The following RABGEF1 variants were observed in gnomAD, a reference collection of about 807,000 sequenced individuals.
The protein encoded by RABGEF1 is rab5 GDP/GTP exchange factor.
In RABGEF1, 26 loss-of-function variants were observed where a neutral mutation model predicts 57.3. That is an observed-to-expected ratio of 0.45 (90% CI 0.33 to 0.63). The LOEUF (loss-of-function observed/expected upper bound fraction) is 0.63, where lower values mean the gene tolerates loss of function less well. Among genes scored for constraint, RABGEF1 ranks in the 20% least tolerant of loss-of-function variants. RABGEF1 has a pLI of 0.02. For synonymous variants in RABGEF1, 185 were observed against 210.7 expected (o/e 0.88, Z 1.06); for missense variants, 464 against 607.6 (o/e 0.76, Z 2.48).
At chr7:66,736,015 T>C (rs1797903004), upstream of RABGEF1, among the ~76,000 whole-genome samples, 1 of 152,178 alleles carries the variant, frequency 6.6e-6, no homozygotes, top group South Asian at 2.1e-4. Context: ...TGCTGTCCAC[T>C]GTCACAACTT....
At chr7:66,686,303 T>A (rs1287256785) in intron 1 of RABGEF1, among the ~76,000 whole-genome samples, 5 of 148,034 alleles carry the variant, frequency 3.4e-5, no homozygotes, top group African/African-American at 4.9e-5. Context: ...AAAAAAGTGA[T>A]CACACTAAAA....
the RABGEF1 span, among the ~76,000 whole-genome samples, chr7:66,659,123 A>G: frequency 2.0e-5 from 3 of 152,190 alleles, no homozygotes; most frequent in Non-Finnish European, 4.4e-5. Context: ...ACAACTGACC[A>G]ATATTGCTTA....
chr7:66,687,034 G>T (rs1166936949), intron 1 of RABGEF1, among the ~76,000 whole-genome samples: 4 of 150,370 alleles, frequency 2.7e-5, no homozygotes, highest in Non-Finnish European at 5.9e-5. Context: ...TGTTAGCCAG[G>T]ATGGTCTCGA....
intron 1 of RABGEF1, among the ~76,000 whole-genome samples, chr7:66,688,730 A>G (rs1791083272): frequency 6.6e-6 from 1 of 152,222 alleles, no homozygotes; most frequent in Admixed American, 6.5e-5. Flanking sequence ...AAAACACAAC[A>G]TACCAGAATT....
In RABGEF1 at chr7:66,771,556, C is replaced by T. The variant is rs145349505; in HGVS notation, c.-17-327C>T. ...AATCCAGTGTCGGGAAGCTTTTCCCCTAAGTTTTTTTTCTAGGAGTTTTCT... is the reference window on the plus strand; with the variant it reads ...AATCCAGTGTCGGGAAGCTTTTCCCTTAAGTTTTTTTTCTAGGAGTTTTCT... On this transcript the variant is annotated intron_variant, in intron 1 of 8. Transcript: ENST00000284957. Among the ~76,000 whole-genome samples, 33 of 152,252 alleles carry T rather than the reference C, an allele frequency of 2.2e-4. No homozygotes were observed. The East Asian group carries it at 5.8e-3, about 27-fold the overall frequency.
At chr7:66,749,843 G>A (rs1801021617) in intron 1 of RABGEF1, among the ~76,000 whole-genome samples, 2 of 152,116 alleles carry the variant, frequency 1.3e-5, no homozygotes, top group Admixed American at 1.3e-4. Flanking sequence ...GTGTGATGGT[G>A]GGCGCCTGTA....
At chr7:66,758,741 T>C (rs1583803811) in intron 1 of RABGEF1, among the ~76,000 whole-genome samples, 1 of 152,250 alleles carries the variant, frequency 6.6e-6, no homozygotes. Flanking sequence ...GCCTTTCAAA[T>C]GATGGCACTC....
At chr7:66,676,979 G>A in the RABGEF1 span, among the ~76,000 whole-genome samples, 1 of 152,160 alleles carries the variant, frequency 6.6e-6, no homozygotes. Flanking sequence ...TGGTTTCATA[G>A]CCAAGAAATC....
At chr7:66,782,805 C>G (rs1365139446) in intron 3 of RABGEF1, among the ~76,000 whole-genome samples, 1 of 152,054 alleles carries the variant, frequency 6.6e-6, no homozygotes, top group African/African-American at 2.4e-5. Context: ...ATAAAACATA[C>G]TTTTAAAAAA....
At chr7:66,743,378 G>T (rs922096267) in intron 1 of RABGEF1, among the ~76,000 whole-genome samples, 1 of 150,616 alleles carries the variant, frequency 6.6e-6, no homozygotes, top group African/African-American at 2.4e-5. Context: ...AGGCTGGAAT[G>T]CAGTGGCAGG....
intron 1 of RABGEF1, among the ~76,000 whole-genome samples, chr7:66,754,230 C>T (rs1209033816): frequency 6.6e-6 from 1 of 152,048 alleles, no homozygotes; most frequent in East Asian, 1.9e-4. Context: ...TCTCGATCTC[C>T]TGACCTCATG....
At chr7:66,801,701 C>T (rs2129183145) in intron 7 of RABGEF1, among the ~76,000 whole-genome samples, 1 of 152,324 alleles carries the variant, frequency 6.6e-6, no homozygotes, top group East Asian at 1.9e-4. Flanking sequence ...CATGTTGTTG[C>T]AAATGACTGG....
chr7:66,656,903 G>T, the RABGEF1 span, among the ~76,000 whole-genome samples: 5 of 151,642 alleles, frequency 3.3e-5, no homozygotes, highest in Non-Finnish European at 5.9e-5. Flanking sequence ...GCCAAGAATG[G>T]TTATGAGAGA....
upstream of RABGEF1, among the ~76,000 whole-genome samples, chr7:66,677,900 A>G (rs112214136): frequency 2.8e-3 from 430 of 151,718 alleles, 1 homozygote; most frequent in African/African-American, 1.0e-2. Flanking sequence ...CCTTGTCTCT[A>G]TGAAAAATAC....
At chr7:66,744,283 C>G (rs137881522) in intron 1 of RABGEF1, among the ~76,000 whole-genome samples, 3 of 150,560 alleles carry the variant, frequency 2.0e-5, no homozygotes, top group Non-Finnish European at 3.0e-5. Flanking sequence ...CTGTAATCCT[C>G]GCACTTTGGG....
intron 4 of RABGEF1, among the ~76,000 whole-genome samples, chr7:66,794,223 TTTTTTTTTTAC>T (rs1339733362): frequency 6.7e-6 from 1 of 150,002 alleles, no homozygotes; most frequent in African/African-American, 2.4e-5. Flanking sequence ...TTTTTTTTTT[TTTTTTTTTTAC>T]TTATTATTGT....
chr7:66,691,008 C>T (rs1791441991), intron 1 of RABGEF1, among the ~76,000 whole-genome samples: 3 of 151,992 alleles, frequency 2.0e-5, no homozygotes, highest in South Asian at 4.2e-4. Context: ...TGAGAATCGC[C>T]GGAACCGGGG....
chr7:66,756,037 TAA>T (rs1802629790), intron 1 of RABGEF1: 3 of 1,496,922 alleles, frequency 2.0e-6, no homozygotes, highest in African/African-American at 2.8e-5. Flanking sequence ...CAAATGCTAA[TAA>T]GTCTTTTATT....
intron 2 of RABGEF1, among the ~76,000 whole-genome samples, chr7:66,721,063 C>T (rs950157200): frequency 2.6e-5 from 4 of 151,956 alleles, no homozygotes; most frequent in Non-Finnish European, 4.4e-5. Flanking sequence ...GGATCACAGG[C>T]GCACGTCACC....
Sources: allele counts gnomAD v4.1 joint callset (sites outside exome capture counted in the v4.1 genomes callset), GRCh38; gene constraint gnomAD v4.1.1; transcripts MANE v1.5; gene names NCBI Gene and HGNC (gene_info 2026-07-23, HGNC 2026-07-21).